The following TUBGCP3 variants were observed in gnomAD, a reference collection of about 807,000 sequenced individuals.
TUBGCP3 encodes gamma-tubulin complex component 3.
Under a neutral mutation model 123.1 loss-of-function variants are expected in TUBGCP3, and 50 were observed. The observed-to-expected ratio is 0.41, with a 90% confidence interval of 0.32 to 0.51. The LOEUF is 0.51. Among genes scored for constraint, TUBGCP3 ranks in the 20% least tolerant of loss-of-function variants. TUBGCP3 has a pLI of 0.36. For synonymous variants in TUBGCP3, 405 were observed against 413.9 expected (o/e 0.98, Z 0.26); for missense variants, 882 against 1,127.0 (o/e 0.78, Z 3.11).
chr13:112,523,260 C>T (rs1033756276), intron 13 of TUBGCP3, among the ~76,000 whole-genome samples: 2 of 152,214 alleles, frequency 1.3e-5, no homozygotes, highest in South Asian at 2.1e-4. Context: ...GGAGGCAAAA[C>T]GCTAGCTGAA....
At chr13:112,528,078 T>C (rs1440238077) in intron 11 of TUBGCP3, among the ~76,000 whole-genome samples, 1 of 152,206 alleles carries the variant, frequency 6.6e-6, no homozygotes, top group African/African-American at 2.4e-5. Flanking sequence ...GGAGCTTTCT[T>C]CCTCACTGGC....
rs1212574211 is a variant in TUBGCP3, at chr13:112,522,472, C to T, written c.1593G>A (p.Gln531=). The change falls in exon 14 of 22, where the codon CAG becomes CAA. Residue 531 remains glutamine, a synonymous_variant. Transcript: ENST00000261965. ...CAAAATAAGCAGCATCAATCTTCCC[C>T]TGAAATGCATTTTCCAAGTCTGTGA... is the stretch of plus-strand genomic sequence containing the variant. ...DLFTDLENAF[Q]GKIDAAYFET... is the part of the protein sequence containing the mutation. 2 of 1,613,700 alleles carry T rather than the reference C, an allele frequency of 1.2e-6. No homozygotes were observed. Among genetic ancestry groups the T allele is most frequent in the Non-Finnish European group, 8.5e-7 (1 of 1,179,738 alleles).
At chr13:112,601,326 T>G in the TUBGCP3 span, among the ~76,000 whole-genome samples, 1 of 152,316 alleles carries the variant, frequency 6.6e-6, no homozygotes, top group East Asian at 1.9e-4. Flanking sequence ...ATATGGCCCA[T>G]TTAATAATGC....
At chr13:112,521,739 G>A in intron 14 of TUBGCP3, 1 of 985,372 alleles carries the variant, frequency 1.0e-6, no homozygotes, top group Non-Finnish European at 1.2e-6. Context: ...CCAGGCCCAG[G>A]CTGTGGACCC....
chr13:112,509,767 A>G (rs1270043395), intron 17 of TUBGCP3, among the ~76,000 whole-genome samples: 4 of 152,132 alleles, frequency 2.6e-5, no homozygotes, highest in African/African-American at 9.7e-5. Context: ...TATCACAATT[A>G]TTTTTCTTTC....
At chr13:112,502,617 C>T (rs1200579108) in intron 19 of TUBGCP3, among the ~76,000 whole-genome samples, 2 of 144,252 alleles carry the variant, frequency 1.4e-5, no homozygotes, top group African/African-American at 5.3e-5. Flanking sequence ...GCAATCTTGG[C>T]TCACTGCAAG....
chr13:112,534,883 CAGA>C (rs1240780363), intron 11 of TUBGCP3, among the ~76,000 whole-genome samples: 6 of 152,194 alleles, frequency 3.9e-5, no homozygotes, highest in Non-Finnish European at 7.3e-5. Context: ...GATCTAACTC[CAGA>C]AGATTTTCAT....
At chr13:112,489,932 GTTTT>G in intron 20 of TUBGCP3, 1 of 542,212 alleles carries the variant, frequency 1.8e-6, no homozygotes. Flanking sequence ...TGCCTCTGTT[GTTTT>G]TAATATCACA....
chr13:112,527,568 T>A, intron 11 of TUBGCP3, 84 bp from the exon 12 acceptor site: 1 of 955,410 alleles, frequency 1.0e-6, no homozygotes, highest in Non-Finnish European at 1.7e-6. Context: ...GAGTAAGTTA[T>A]TCTAGAAAGC....
upstream of TUBGCP3, among the ~76,000 whole-genome samples, chr13:112,592,719 C>A (rs1382500249): frequency 1.3e-5 from 2 of 152,158 alleles, no homozygotes; most frequent in African/African-American, 2.4e-5. This position sits in a 1 kb window ranked among gnomAD's most constrained non-coding sequence, Gnocchi z 4.1. Flanking sequence ...GCCAAGGGAC[C>A]CATGTGGTCT....
intron 10 of TUBGCP3, chr13:112,546,483 T>C (rs1405898788): frequency 6.6e-6 from 1 of 152,356 alleles, no homozygotes; most frequent in African/African-American, 2.4e-5. Flanking sequence ...GTTCTTATGT[T>C]ATGCTAAAAA....
At chr13:112,554,524 A>T (rs1879862623) in intron 7 of TUBGCP3, among the ~76,000 whole-genome samples, 1 of 152,186 alleles carries the variant, frequency 6.6e-6, no homozygotes, top group Non-Finnish European at 1.5e-5. Flanking sequence ...ATTATGGAAA[A>T]AGGAAACAAA....
At chr13:112,598,632 A>AT in the TUBGCP3 span, among the ~76,000 whole-genome samples, 1 of 152,162 alleles carries the variant, frequency 6.6e-6, no homozygotes, top group African/African-American at 2.4e-5. Flanking sequence ...GAAAATACTG[A>AT]TAACTACCAA....
intron 20 of TUBGCP3, among the ~76,000 whole-genome samples, chr13:112,495,291 C>A (rs2139200982): frequency 6.6e-6 from 1 of 152,280 alleles, no homozygotes; most frequent in Non-Finnish European, 1.5e-5. Flanking sequence ...TTTGTAACAA[C>A]AACAAAATGC....
intron 17 of TUBGCP3, among the ~76,000 whole-genome samples, chr13:112,509,322 A>T (rs1013612096): frequency 3.3e-5 from 5 of 152,152 alleles, no homozygotes; most frequent in African/African-American, 1.2e-4. Flanking sequence ...GGCCACAGGG[A>T]GCTGGTTTGT....
intron 20 of TUBGCP3, among the ~76,000 whole-genome samples, chr13:112,497,828 G>A (rs147866091): frequency 2.8e-3 from 433 of 152,272 alleles, no homozygotes; most frequent in African/African-American, 9.8e-3. Context: ...GTGAAAATAT[G>A]GCATTATAAT....
At position 112,557,747 on chromosome 13, in the gene TUBGCP3, C is replaced by T. The variant is rs147551403; in HGVS notation, c.548+449G>A. Among the ~76,000 whole-genome samples, 853 of 152,316 alleles carry T rather than the reference C, an allele frequency of 5.6e-3. 8 individuals are homozygous for T. Among genetic ancestry groups the T allele is most frequent in the African/African-American group, 0.02 (820 of 41,558 alleles). ...TTAATTCATATGCACTAAAATGTCACGATCCTTAAAGACCTCAGCACTCAA... is the reference window on the plus strand; with the variant it reads ...TTAATTCATATGCACTAAAATGTCATGATCCTTAAAGACCTCAGCACTCAA... On this transcript the variant is annotated intron_variant, in intron 5 of 21. Coordinates refer to ENST00000261965, the MANE Select transcript of TUBGCP3 (RefSeq NM_006322.6).
chr13:112,500,331 C>T (rs1171819048), intron 19 of TUBGCP3, among the ~76,000 whole-genome samples: 1 of 152,134 alleles, frequency 6.6e-6, no homozygotes, highest in Non-Finnish European at 1.5e-5. Flanking sequence ...AACAAAACAG[C>T]CAACAATGAA....
chr13:112,527,550 A>G (rs1170098150), intron 11 of TUBGCP3, 66 bp from the exon 12 acceptor site: 2 of 1,093,646 alleles, frequency 1.8e-6, no homozygotes, highest in African/African-American at 1.6e-5. Flanking sequence ...ACCAACAGCA[A>G]CATCAAAGAG....
Sources: gnomAD v4.1 joint callset for allele counts (sites outside exome capture counted in the v4.1 genomes callset) on GRCh38, gnomAD v4.1.1 for gene constraint, Gnocchi (gnomAD v3.1) non-coding constraint, MANE v1.5 for transcripts, NCBI Gene and HGNC (gene_info 2026-07-23, HGNC 2026-07-21) for gene names.